Variants in DIS3L2 observed in about 807,000 individuals in gnomAD.
DIS3L2 encodes the protein DIS3 like 3'-5' exoribonuclease 2.
Under a neutral mutation model 97.5 loss-of-function variants are expected in DIS3L2, and 34 were observed. That is an observed-to-expected ratio of 0.35 (90% confidence interval 0.27 to 0.46). DIS3L2 has a LOEUF of 0.46. Among genes scored for constraint, DIS3L2 ranks in the 20% least tolerant of loss-of-function variants. DIS3L2 has a pLI of 1.00. For missense variants in DIS3L2, 1,038 were observed against 1,146.0 expected, an observed-to-expected ratio of 0.91 and a Z score of 1.36; for synonymous variants, 435 against 445.2, an observed-to-expected ratio of 0.98 and a Z score of 0.29.
intron 4 of DIS3L2, among the ~76,000 whole-genome samples, chr2:232,026,857 A>G (rs1171045037): frequency 1.3e-5 from 2 of 152,302 alleles, no homozygotes; most frequent in East Asian, 3.9e-4. Context: ...TTACTACGTC[A>G]TACTTAGAAA....
intron 9 of DIS3L2, among the ~76,000 whole-genome samples, chr2:232,192,442 TA>T (rs967749846): frequency 1.5e-4 from 23 of 152,208 alleles, no homozygotes; most frequent in Non-Finnish European, 3.1e-4. Flanking sequence ...AAAAGTTGAT[TA>T]AAAAAATAAA....
chr2:232,033,360 G>A (rs1694863206), intron 5 of DIS3L2, among the ~76,000 whole-genome samples: 1 of 152,170 alleles, frequency 6.6e-6, no homozygotes, highest in Non-Finnish European at 1.5e-5. Flanking sequence ...ATCAACTTAA[G>A]GAGATTTTGG....
intron 10 of DIS3L2, among the ~76,000 whole-genome samples, chr2:232,215,382 TGCATAGAAAATATTTG>T (rs2106224205): frequency 6.6e-6 from 1 of 152,292 alleles, no homozygotes; most frequent in Non-Finnish European, 1.5e-5. Flanking sequence ...TCCCACTATC[TGCATAGAAAATATTTG>T]GTTAAGTTAG....
At chr2:232,040,288 A>G (rs1043733038) in intron 5 of DIS3L2, among the ~76,000 whole-genome samples, 3 of 152,132 alleles carry the variant, frequency 2.0e-5, no homozygotes, top group African/African-American at 7.2e-5. Context: ...CTGGTATACT[A>G]TTGGCTGAGT....
chr2:232,024,843 C>A (rs1273923677), intron 4 of DIS3L2, among the ~76,000 whole-genome samples: 1 of 151,948 alleles, frequency 6.6e-6, no homozygotes, highest in East Asian at 1.9e-4. Context: ...GGTCTTTAGA[C>A]CCTTTCTTAC....
chr2:232,175,414 T>C (rs900294758), intron 9 of DIS3L2, among the ~76,000 whole-genome samples: 1 of 152,218 alleles, frequency 6.6e-6, no homozygotes, highest in Admixed American at 6.5e-5. Context: ...TTTGGTTTAC[T>C]GGATTCCTTT....
chr2:232,136,927 T>G (rs1163949115), intron 8 of DIS3L2, among the ~76,000 whole-genome samples: 1 of 152,230 alleles, frequency 6.6e-6, no homozygotes, highest in African/African-American at 2.4e-5. Context: ...GGCAGTCACA[T>G]TCTTGTTTTT....
At chr2:232,339,402 C>T (rs373086006), downstream of DIS3L2, among the ~76,000 whole-genome samples, 1 of 152,072 alleles carries the variant, frequency 6.6e-6, no homozygotes, top group East Asian at 1.9e-4. Context: ...GCAGGAGGGG[C>T]TGTGATTGCC....
At chr2:231,979,600 A>G (rs1409651308) in intron 1 of DIS3L2, among the ~76,000 whole-genome samples, 4 of 150,954 alleles carry the variant, frequency 2.6e-5, no homozygotes, top group Non-Finnish European at 4.4e-5. Context: ...TTATTTTGTG[A>G]CAGAGACTTG....
At position 232,159,458 on chromosome 2, in the gene DIS3L2, A is replaced by G. The variant is rs11680172; in HGVS notation, c.951-4001A>G. On this transcript the variant is annotated intron_variant, in intron 8 of 20. Coordinates refer to ENST00000325385, the MANE Select transcript of DIS3L2 (RefSeq NM_152383.5). ...GCAGAGTTTAAGTCACACACAGTGT[A>G]CTGGATTTTGGTTCTCACAGAGTGA... Among the ~76,000 whole-genome samples the G allele has an allele frequency of 5.4e-3, 826 of 152,294 alleles. 3 individuals are homozygous for G. The highest frequency in any genetic ancestry group is 9.4e-3 in the African/African-American group (391 of 41,572).
chr2:231,994,762 GTTTC>G (rs1316138005), intron 1 of DIS3L2, among the ~76,000 whole-genome samples: 1 of 148,510 alleles, frequency 6.7e-6, no homozygotes, highest in Non-Finnish European at 1.5e-5. Context: ...ATTTTAGTAA[GTTTC>G]TTTCGCTTGT....
intron 9 of DIS3L2, among the ~76,000 whole-genome samples, chr2:232,167,399 AAGC>A (rs1690855976): frequency 1.3e-5 from 2 of 152,182 alleles, no homozygotes; most frequent in South Asian, 2.1e-4. Flanking sequence ...CTTTTGGTGA[AAGC>A]AGTATGGTTG....
intron 5 of DIS3L2, among the ~76,000 whole-genome samples, chr2:232,038,736 G>T (rs1695023325): frequency 2.0e-5 from 3 of 152,266 alleles, no homozygotes; most frequent in Middle Eastern, 3.4e-3. Context: ...AAAGCTTGGG[G>T]GTAGGTTGAG....
At chr2:232,073,416 G>A (rs1177758127) in intron 5 of DIS3L2, among the ~76,000 whole-genome samples, 3 of 152,184 alleles carry the variant, frequency 2.0e-5, no homozygotes, top group South Asian at 2.1e-4. Flanking sequence ...AATGTCTGTG[G>A]ACATGGGTAT....
intron 3 of DIS3L2, 25 bp from the exon 4 acceptor site, chr2:232,024,252 A>C: frequency 1.3e-6 from 2 of 1,546,576 alleles, no homozygotes. Flanking sequence ...CTAGATTTTC[A>C]CAAACTTTAT....
At chr2:232,343,354 G>A (rs983347307) in exon 14 of DIS3L2, 3 of 1,555,496 alleles carry the variant, frequency 1.9e-6, no homozygotes, top group Non-Finnish European at 2.6e-6. Context: ...GCAGAACGCA[G>A]ACAAGGATGG....
intron 13 of DIS3L2, among the ~76,000 whole-genome samples, chr2:232,274,983 G>A (rs1166501987): frequency 2.0e-5 from 3 of 152,114 alleles, no homozygotes; most frequent in Non-Finnish European, 4.4e-5. Flanking sequence ...TCAAATCTAA[G>A]TGCCCCAGCC....
intron 11 of DIS3L2, among the ~76,000 whole-genome samples, chr2:232,246,823 T>A (rs904248992): frequency 1.3e-5 from 2 of 152,228 alleles, no homozygotes; most frequent in Non-Finnish European, 2.9e-5. Context: ...ATAATTAGCA[T>A]TCATTTATTT....
At chr2:232,237,073 C>G (rs1248407984) in intron 10 of DIS3L2, among the ~76,000 whole-genome samples, 1 of 152,154 alleles carries the variant, frequency 6.6e-6, no homozygotes, top group Non-Finnish European at 1.5e-5. Context: ...TACATGTATA[C>G]TCTTTTTTTG....
Sources: gnomAD v4.1 joint callset for allele counts (sites outside exome capture counted in the v4.1 genomes callset) on GRCh38, gnomAD v4.1.1 for gene constraint, MANE v1.5 for transcripts, NCBI Gene and HGNC (gene_info 2026-07-23, HGNC 2026-07-21) for gene names.